The following MCAT variants were observed in gnomAD, a reference collection of about 807,000 sequenced individuals.
MCAT encodes the protein malonyl-CoA-acyl carrier protein transacylase, mitochondrial.
MCAT carries 22 observed loss-of-function variants against 22.9 expected under a neutral mutation model. The observed-to-expected ratio is 0.96, with a 90% CI of 0.69 to 1.37. The LOEUF (loss-of-function observed/expected upper bound fraction) is 1.37. Among genes scored for constraint, MCAT ranks in the 40% most tolerant of loss-of-function variants. The pLI is 0.00. For synonymous variants in MCAT, 240 were observed against 233.9 expected, an observed-to-expected ratio of 1.03 and a Z score of -0.24; for missense variants, 534 against 533.6, an observed-to-expected ratio of 1.00 and a Z score of -0.01.
rs1454886722 is a variant in MCAT at position 43,143,365 on chromosome 22, G to A, written c.-17C>T. The A allele has an allele frequency of 7.4e-7, 1 of 1,351,780 alleles. No homozygotes were observed. Among genetic ancestry groups the A allele is most frequent in the Non-Finnish European group, 9.5e-7 (1 of 1,057,110 alleles). The allele number at this position is 1,351,780 out of a possible 1,614,324, so 83.7% of individuals were successfully genotyped here. A position where few individuals can be genotyped will look rare whatever the true frequency, so the allele number is the denominator to read the frequency against. Reference sequence around the variant, plus strand: ...GACGCTCATGGTCGGACACCTGCCCGCGCGCGTTACCGTGGCGACCGAGGC... The same window carrying A: ...GACGCTCATGGTCGGACACCTGCCCACGCGCGTTACCGTGGCGACCGAGGC... On this transcript the variant is annotated 5_prime_UTR_variant, in exon 1 of 4. Transcript: ENST00000290429.
At position 43,141,252 on chromosome 22, in the gene MCAT, GT is replaced by G; in HGVS notation, c.424-4del. On this transcript the variant is annotated splice_region_variant and splice_polypyrimidine_tract_variant and intron_variant, in intron 1 of 3. Coordinates refer to ENST00000290429, the MANE Select transcript of MCAT (RefSeq NM_173467.5). ...GCAGCAACACAGTTCTCAATCACCT[GT>G]GGGGACAGATGCAGAACGTGAGCCC... The G allele has an allele frequency of 6.2e-7, 1 of 1,613,228 alleles. No individual in the cohort carries two copies. Among genetic ancestry groups the G allele is most frequent in the Non-Finnish European group, 8.5e-7 (1 of 1,179,244 alleles).
chr22:43,133,062 G>A lies in MCAT; in HGVS notation c.1154C>T (p.Pro385Leu), dbSNP rs1201557458. 3.1e-6 allele frequency: 5 copies of A among 1,613,614 alleles called. No homozygotes were observed. In the South Asian group the frequency reaches 4.4e-5, roughly 14 times the overall value. Residue 385 changes from proline (P) to leucine (L), a missense_variant, in exon 4 of 4, where the codon CCT becomes CTT. Transcript: ENST00000290429. ...LQTLEHVDLD[P>L]QEPPR ...CTGCAGTCATCTCGGGGGCTCCTGAGGGTCCAGGTCCACATGTTCGAGGGT... is the reference window on the plus strand; with the variant it reads ...CTGCAGTCATCTCGGGGGCTCCTGAAGGTCCAGGTCCACATGTTCGAGGGT...
At chr22:43,135,519 A>AC (rs1930582556) in intron 3 of MCAT, among the ~76,000 whole-genome samples, 10 of 150,774 alleles carry the variant, frequency 6.6e-5, no homozygotes, top group African/African-American at 2.5e-4. Context: ...ACAAAAAAAA[A>AC]AAAAAAAAAA....
At position 43,132,867 on chromosome 22, in the gene MCAT, T is replaced by C; in HGVS notation, c.*176A>G. The C allele has an allele frequency of 3.3e-6, 2 of 606,664 alleles. No homozygotes were observed. Among genetic ancestry groups the C allele is most frequent in the Non-Finnish European group, 2.9e-6 (1 of 344,344 alleles). The allele number at this position is 606,664 out of a possible 1,614,324, so 37.6% of individuals were successfully genotyped here. On this transcript the variant is annotated 3_prime_UTR_variant, in exon 4 of 4. Coordinates refer to ENST00000290429, the MANE Select transcript of MCAT (RefSeq NM_173467.5). ...TTCCAAGGGGGAGAAATGGACTGGG[T>C]CATGTAAAGAAATACTCATTTTTAG...
chr22:43,137,290 C>T lies in MCAT; in HGVS notation c.520G>A (p.Ala174Thr), dbSNP rs762000845. The change falls in exon 3 of 4, where the codon GCA (alanine) becomes ACA (threonine). Residue 174 changes from alanine to threonine, a missense_variant. By Grantham distance (58) the Ala-to-Thr change is moderately conservative. Coordinates refer to ENST00000290429, the MANE Select transcript of MCAT (RefSeq NM_173467.5). Reference sequence around the variant, plus strand: ...ATGGCCTCAGCTCGGATTTTCACTGCATACAAACCTGGCCAGAGAGAAGCG... The same window carrying T: ...ATGGCCTCAGCTCGGATTTTCACTGTATACAAACCTGGCCAGAGAGAAGCG... The part of the protein sequence containing the change: ...GAMEFAEGLY[A>T]VKIRAEAMQE... The T allele has an allele frequency of 6.2e-7, 1 of 1,613,492 alleles. No individual in the cohort carries two copies. The highest frequency in any genetic ancestry group is 1.7e-5 in the Admixed American group (1 of 60,008).
rs78066164 is a variant in MCAT, at chr22:43,136,517, C to A, written c.729+564G>T. On this transcript the variant is annotated intron_variant, in intron 3 of 3. Transcript: ENST00000290429. ...GGGTTGCTCTTAGGCCCATGAGTAGCCAGCCAGACCCTCACTGCACCCCTC... is the reference window on the plus strand; with the variant it reads ...GGGTTGCTCTTAGGCCCATGAGTAGACAGCCAGACCCTCACTGCACCCCTC... Among the ~76,000 whole-genome samples, 127 of 152,364 alleles carry A rather than the reference C, an allele frequency of 8.3e-4. 3 individuals are homozygous for A. In the East Asian group the frequency reaches 0.024, roughly 28 times the overall value.
chr22:43,136,058 C>T (rs987374099), intron 3 of MCAT, among the ~76,000 whole-genome samples: 1 of 152,094 alleles, frequency 6.6e-6, no homozygotes, highest in Admixed American at 6.6e-5. Context: ...GCTTGGGCAA[C>T]ACGGTGAAAC....
intron 2 of MCAT, among the ~76,000 whole-genome samples, chr22:43,140,268 CAG>C (rs1382022111): frequency 1.3e-5 from 2 of 152,214 alleles, no homozygotes; most frequent in African/African-American, 4.8e-5. Context: ...GCCTCAGACT[CAG>C]GGGCTCAAGT....
rs760294168 is a variant in MCAT at position 43,133,404 on chromosome 22, G to A, written c.812C>T (p.Thr271Ile). The change falls in exon 4 of 4, where the codon ACC (threonine) becomes ATC (isoleucine). Residue 271 changes from threonine (T) to isoleucine (I), a missense_variant. Transcript: ENST00000290429. ...RMLPVSGAFH[T>I]RLMEPAVEPL... ...CTCCACGGCTGGCTCCATGAGGCGG[G>A]TGTGGAATGCGCCACTAACCGGCAA... The A allele has an allele frequency of 2.5e-6, 4 of 1,614,160 alleles. No individual in the cohort carries two copies. Among genetic ancestry groups the A allele is most frequent in the Non-Finnish European group, 3.4e-6 (4 of 1,180,020 alleles).
chr22:43,133,055 C>T lies in MCAT; in HGVS notation c.1161G>A (p.Glu387=), dbSNP rs77547475. The T allele has an allele frequency of 5.0e-6, 8 of 1,613,304 alleles. No homozygotes were observed. The South Asian group carries it at 5.5e-5, about 11-fold the overall frequency. The change falls in exon 4 of 4, where the codon GAG becomes GAA. Residue 387 remains glutamate, a synonymous_variant. Coordinates refer to ENST00000290429, the MANE Select transcript of MCAT (RefSeq NM_173467.5). ...GAGCCCCCTGCAGTCATCTCGGGGG[C>T]TCCTGAGGGTCCAGGTCCACATGTT... is the stretch of plus-strand genomic sequence containing the variant. ...TLEHVDLDPQ[E]PPR is the part of the protein sequence containing the mutation.
chr22:43,134,855 ACTCTGGAGC>A (rs1328544827), intron 3 of MCAT, among the ~76,000 whole-genome samples: 7 of 151,882 alleles, frequency 4.6e-5, no homozygotes, highest in Admixed American at 1.3e-4. Context: ...GGCCTTCCAG[ACTCTGGAGC>A]CCAAGCCCCT....
chr22:43,132,743 C>T lies in MCAT; in HGVS notation c.*300G>A, dbSNP rs548425468. ...TCCTCCCCTTCCCGCTGAGATGGCACACCTGCCTATGGTGCAGGGCTGGCA... is the reference window on the plus strand; with the variant it reads ...TCCTCCCCTTCCCGCTGAGATGGCATACCTGCCTATGGTGCAGGGCTGGCA... On this transcript the variant is annotated 3_prime_UTR_variant, in exon 4 of 4. Transcript: ENST00000290429. 2.4e-4 allele frequency: 95 copies of T among 388,282 alleles called. 2 individuals are homozygous for T. The South Asian group carries it at 2.8e-3, about 12-fold the overall frequency. 24.1% of individuals were successfully genotyped at this position (388,282 alleles called of 1,614,324 possible). A position where few individuals can be genotyped will look rare whatever the true frequency, so the allele number is the denominator to read the frequency against.
At chr22:43,133,807 C>CCTTTTTT (rs1555973353) in intron 3 of MCAT, among the ~76,000 whole-genome samples, 1 of 141,286 alleles carries the variant, frequency 7.1e-6, no homozygotes, top group African/African-American at 2.6e-5. Flanking sequence ...AATGAGAATT[C>CCTTTTTT]TTTTTTTTTT....
chr22:43,139,243 C>T (rs543676613), intron 2 of MCAT, among the ~76,000 whole-genome samples: 1 of 152,240 alleles, frequency 6.6e-6, no homozygotes, highest in African/African-American at 2.4e-5. Context: ...AAAAAGTAGG[C>T]CAGGCACAGT....
Position 43,143,296 on chromosome 22 carries a change from T to G in MCAT, c.53A>C (p.Tyr18Ser), listed in dbSNP as rs1264884961. ...VAWVRGLGASYRRGASSFPVP... is the reference protein window; with the variant it reads ...VAWVRGLGASSRRGASSFPVP... Reference sequence around the variant, plus strand: ...CGGGAAGCTCGAGGCGCCGCGGCGGTAGCTGGCGCCCAAGCCCCTGACCCA... The same window carrying G: ...CGGGAAGCTCGAGGCGCCGCGGCGGGAGCTGGCGCCCAAGCCCCTGACCCA... The change falls in exon 1 of 4, where the codon TAC becomes TCC. Residue 18 changes from tyrosine (Y) to serine (S), a missense_variant. By Grantham distance (144) the Tyr-to-Ser change is moderately radical. Transcript: ENST00000290429. The G allele has an allele frequency of 7.0e-7, 1 of 1,429,846 alleles. No homozygotes were observed. The allele number at this position is 1,429,846 out of a possible 1,614,324, so 88.6% of individuals were successfully genotyped here. A position where few individuals can be genotyped will look rare whatever the true frequency, so the allele number is the denominator to read the frequency against.
chr22:43,136,350 A>G (rs981664415), intron 3 of MCAT, among the ~76,000 whole-genome samples: 5 of 152,268 alleles, frequency 3.3e-5, no homozygotes, highest in Non-Finnish European at 1.5e-5. Flanking sequence ...AGCCCCTCAC[A>G]CGGGCTGCAA....
intron 3 of MCAT, among the ~76,000 whole-genome samples, chr22:43,135,508 AAC>A (rs1396566168): frequency 0.026 from 3,090 of 119,814 alleles, 204 homozygotes; most frequent in East Asian, 0.05. Context: ...TGTCTCAAAA[AAC>A]AAAAAAAAAA....
At chr22:43,135,830 T>A (rs761953597) in intron 3 of MCAT, among the ~76,000 whole-genome samples, 1 of 152,108 alleles carries the variant, frequency 6.6e-6, no homozygotes, top group South Asian at 2.1e-4. Context: ...CCAAGCACGG[T>A]CAAGTGGCGG....
intron 2 of MCAT, among the ~76,000 whole-genome samples, chr22:43,139,579 A>AT (rs1199069899): frequency 1.6e-4 from 12 of 73,520 alleles, no homozygotes; most frequent in African/African-American, 7.3e-4. Context: ...ATAATTCTGC[A>AT]CTTTTTTTTT....
Sources: gnomAD v4.1 joint callset for allele counts (sites outside exome capture counted in the v4.1 genomes callset) on GRCh38, gnomAD v4.1.1 for gene constraint, MANE v1.5 for transcripts, NCBI Gene and HGNC (gene_info 2026-07-23, HGNC 2026-07-21) for gene names.